Variants in ZIC5 observed in about 807,000 individuals in gnomAD.
The protein encoded by ZIC5 is Zic family zinc finger 5.
ZIC5 carries 20 observed loss-of-function variants against 28.5 expected under a neutral mutation model. The ratio of observed to expected loss-of-function variants is 0.70; its 90% CI spans 0.49 to 1.02. The LOEUF is 1.02. Ranked by LOEUF, ZIC5 falls within the 50% of genes least tolerant of loss-of-function variation. The pLI is 0.00. For missense variants in ZIC5, 951 were observed against 899.7 expected (o/e 1.06, Z -0.73); for synonymous variants, 488 against 410.4 (o/e 1.19, Z -2.29).
Position 99,970,992 on chromosome 13 carries a change from G to C in ZIC5, c.612C>G (p.Pro204=), listed in dbSNP as rs557281712. The C allele has an allele frequency of 2.9e-5, 41 of 1,405,874 alleles. No individual in the cohort carries two copies. In the East Asian group the frequency reaches 8.9e-4, roughly 30 times the overall value. 87.1% of individuals were successfully genotyped at this position (1,405,874 alleles called of 1,614,324 possible). The change falls in exon 1 of 2, where the codon CCC becomes CCG. Residue 204 remains proline (P), a synonymous_variant. Coordinates refer to ENST00000267294, the MANE Select transcript of ZIC5 (RefSeq NM_033132.5). ...GGEQRSGTGS[P]QHPAPPPHSA... Reference sequence around the variant, plus strand: ...AGTGGGGAGGCGGGGCCGGGTGCTGGGGGGAGCCGGTGCCGGACCGCTGCT... The same window carrying C: ...AGTGGGGAGGCGGGGCCGGGTGCTGCGGGGAGCCGGTGCCGGACCGCTGCT...
chr13:99,970,538 C>A lies in ZIC5; in HGVS notation c.1066G>T (p.Ala356Ser). 3.6e-6 allele frequency: 4 copies of A among 1,103,210 alleles called. No homozygotes were observed. In the South Asian group the frequency reaches 1.1e-4, roughly 31 times the overall value. 68.3% of individuals were successfully genotyped at this position (1,103,210 alleles called of 1,614,324 possible). The change falls in exon 1 of 2, where the codon GCG (alanine) becomes TCG (serine). Residue 356 changes from alanine to serine, a missense_variant. Physicochemically the swap from Ala to Ser is moderately conservative, Grantham distance 99. This residue lies in a region of ZIC5 where 784 missense variants were observed against 660.1 expected (regional missense o/e 1.19). Transcript: ENST00000267294. ...PHQHHPHLPG[A>S]AGAFLRYMRQ... ...ATGTAGCGCAGGAAGGCCCCAGCCGCCCCTGGGAGGTGGGGGTGGTGCTGG... is the reference window on the plus strand; with the variant it reads ...ATGTAGCGCAGGAAGGCCCCAGCCGACCCTGGGAGGTGGGGGTGGTGCTGG...
At chr13:99,968,148 T>C (rs757506403) in intron 1 of ZIC5, among the ~76,000 whole-genome samples, 2 of 152,134 alleles carry the variant, frequency 1.3e-5, no homozygotes, top group African/African-American at 2.4e-5. Flanking sequence ...GGATCCCGGA[T>C]AACCCCCAAA....
Position 99,965,278 on chromosome 13 carries a change from T to G in ZIC5, c.*99A>C. ...GGCTAATTAGACCCGGTGGCAAGTC[T>G]GAGTCACGGGTTTGTCTCAGGCTCG... On this transcript the variant is annotated 3_prime_UTR_variant, in exon 2 of 2. Transcript: ENST00000267294. 1 of 1,187,404 alleles carries G rather than the reference T, an allele frequency of 8.4e-7. No individual in the cohort carries two copies. The highest frequency in any genetic ancestry group is 1.2e-6 in the Non-Finnish European group (1 of 856,860). 73.6% of individuals were successfully genotyped at this position (1,187,404 alleles called of 1,614,324 possible).
In ZIC5 at chr13:99,970,317, G is replaced by A; in HGVS notation, c.1287C>T (p.Pro429=). The A allele has an allele frequency of 6.2e-7, 1 of 1,612,700 alleles. No homozygotes were observed. The highest frequency in any genetic ancestry group is 8.5e-7 in the Non-Finnish European group (1 of 1,179,530). The change falls in exon 1 of 2, where the codon CCC becomes CCT. Residue 429 remains proline, a synonymous_variant. Coordinates refer to ENST00000267294, the MANE Select transcript of ZIC5 (RefSeq NM_033132.5). ...NHVTVEHVGG[P]EQSSHVCFWE... ...AGAAGCAGACGTGGCTGCTCTGCTC[G>A]GGGCCTCCCACGTGCTCCACCGTGA... is the stretch of plus-strand genomic sequence containing the variant.
At position 99,963,508 on chromosome 13, in the gene ZIC5, T is replaced by C. The variant is rs1396803566; in HGVS notation, c.*1869A>G. On this transcript the variant is annotated 3_prime_UTR_variant, in exon 2 of 2. Transcript: ENST00000267294. Reference sequence around the variant, plus strand: ...AGACAACATTGAAAGGCTTTCCAAGTGACAGCACCATGCACTGTACTAGTA... The same window carrying C: ...AGACAACATTGAAAGGCTTTCCAAGCGACAGCACCATGCACTGTACTAGTA... 1 of 152,560 alleles carries C rather than the reference T, an allele frequency of 6.6e-6. No individual in the cohort carries two copies. The highest frequency in any genetic ancestry group is 6.5e-5 in the Admixed American group (1 of 15,276). The allele number at this position is 152,560 out of a possible 1,614,324, so 9.5% of individuals were successfully genotyped here. A position where few individuals can be genotyped will look rare whatever the true frequency, so the allele number is the denominator to read the frequency against.
intron 1 of ZIC5, among the ~76,000 whole-genome samples, chr13:99,966,281 A>G (rs1337823228): frequency 6.6e-6 from 1 of 152,206 alleles, no homozygotes; most frequent in African/African-American, 2.4e-5. Context: ...AAAAGCAAAC[A>G]CATACACTAA....
chr13:99,969,607 C>T (rs2053130335), intron 1 of ZIC5, among the ~76,000 whole-genome samples: 1 of 152,160 alleles, frequency 6.6e-6, no homozygotes, highest in Non-Finnish European at 1.5e-5. Flanking sequence ...CTGCCTCGGG[C>T]GGCCCAAATC....
At position 99,970,930 on chromosome 13, in the gene ZIC5, G is replaced by A. The variant is rs969013017; in HGVS notation, c.674C>T (p.Ala225Val). 3.6e-6 allele frequency: 5 copies of A among 1,387,012 alleles called. No individual in the cohort carries two copies. In the African/African-American group the frequency reaches 6.2e-5, roughly 17 times the overall value. The allele number at this position is 1,387,012 out of a possible 1,614,324, so 85.9% of individuals were successfully genotyped here. A position where few individuals can be genotyped will look rare whatever the true frequency, so the allele number is the denominator to read the frequency against. The stretch of plus-strand genomic sequence containing the variant: ...CGGGCCGCCGCTGCCGTCCGGGCCC[G>A]CGTAGGTGCCGCTGGCGGAGATGAA... ...GMFISASGTY[A>V]GPDGSGGPAL... Residue 225 changes from alanine (A) to valine (V), a missense_variant, in exon 1 of 2, where the codon GCG becomes GTG. Transcript: ENST00000267294.
In ZIC5 at chr13:99,970,583, CCGGCGGCGGCGGCGGCGCCGGGGG is replaced by C. The variant is rs2053145040; in HGVS notation, c.997_1020del (p.Pro333_Pro340del). The C allele has an allele frequency of 4.0e-6, 4 of 992,020 alleles. No homozygotes were observed. The highest frequency in any genetic ancestry group is 3.6e-6 in the Non-Finnish European group (3 of 838,702). The allele number at this position is 992,020 out of a possible 1,614,324, so 61.5% of individuals were successfully genotyped here. Reference sequence around the variant, plus strand: ...TGCTGGTGCGGGTGCTGCGCGGGCGCCGGCGGCGGCGGCGGCGCCGGGGGCGGCGCGTGGTGCTGCAGGTGGGGC... The same window carrying C: ...TGCTGGTGCGGGTGCTGCGCGGGCGCCGGCGCGTGGTGCTGCAGGTGGGGC... On this transcript the variant is annotated inframe_deletion, in exon 1 of 2. Coordinates refer to ENST00000267294, the MANE Select transcript of ZIC5 (RefSeq NM_033132.5).
chr13:99,965,462 TGGA>T lies in ZIC5; in HGVS notation c.1832_1834del (p.Leu611del), dbSNP rs762757200. ...GGTGGTTCCGTTGCTGGAAGGGGTGTGGAGGTGGCTGGGGGCCCCACTGGCCTG... is the reference window on the plus strand; with the variant it reads ...GGTGGTTCCGTTGCTGGAAGGGGTGTGGTGGCTGGGGGCCCCACTGGCCTG... On this transcript the variant is annotated inframe_deletion, in exon 2 of 2. Coordinates refer to ENST00000267294, the MANE Select transcript of ZIC5 (RefSeq NM_033132.5). The T allele has an allele frequency of 2.0e-5, 33 of 1,614,104 alleles. 1 individual carries two copies. Among genetic ancestry groups the T allele is most frequent in the South Asian group, 1.6e-4 (15 of 91,074 alleles).
At position 99,971,261 on chromosome 13, in the gene ZIC5, C is replaced by A. The variant is rs2053156036; in HGVS notation, c.343G>T (p.Gly115Cys). The A allele has an allele frequency of 5.3e-6, 7 of 1,328,304 alleles. No homozygotes were observed. Among genetic ancestry groups the A allele is most frequent in the Non-Finnish European group, 6.7e-6 (7 of 1,048,140 alleles). The allele number at this position is 1,328,304 out of a possible 1,614,324, so 82.3% of individuals were successfully genotyped here. The change falls in exon 1 of 2, where the codon GGC becomes TGC. Residue 115 changes from glycine to cysteine, a missense_variant. Physicochemically the swap from Gly to Cys is radical, Grantham distance 159. Transcript: ENST00000267294. ...GGCTGCGCGCCACTGCTGCCCCCGCCGCAGGGGTAGCTGCCCGCGCCGGGG... is the reference window on the plus strand; with the variant it reads ...GGCTGCGCGCCACTGCTGCCCCCGCAGCAGGGGTAGCTGCCCGCGCCGGGG... The part of the protein sequence containing the change: ...AHPGAGSYPC[G>C]GGSSGAQPSA...
chr13:99,968,353 G>A (rs2053116751), intron 1 of ZIC5, among the ~76,000 whole-genome samples: 1 of 152,302 alleles, frequency 6.6e-6, no homozygotes, highest in African/African-American at 2.4e-5. Context: ...CCGGGAGGGG[G>A]CAGGAAATGC....
Position 99,965,917 on chromosome 13 carries a change from C to T in ZIC5, c.1478-98G>A, listed in dbSNP as rs978444982. ...ACCAAGGTTGTGTTTTTCCTATTCT[C>T]CCAGAGACCAACTCCCAGCCTAATT... On this transcript the variant is annotated intron_variant, in intron 1 of 1. Coordinates refer to ENST00000267294, the MANE Select transcript of ZIC5 (RefSeq NM_033132.5). 4 of 1,246,804 alleles carry T rather than the reference C, an allele frequency of 3.2e-6. No individual in the cohort carries two copies. The Admixed American group carries it at 9.3e-5, about 29-fold the overall frequency. The allele number at this position is 1,246,804 out of a possible 1,614,324, so 77.2% of individuals were successfully genotyped here.
rs561297438 is a variant in ZIC5, at chr13:99,965,543, T to A, written c.1754A>T (p.His585Leu). ...LSPVLDPARS[H>L]SSTLSPQVTN... ...CACCTGAGGGGACAGAGTGCTGGAGTGACTCCTGGCTGGGTCCAGCACAGG... is the reference window on the plus strand; with the variant it reads ...CACCTGAGGGGACAGAGTGCTGGAGAGACTCCTGGCTGGGTCCAGCACAGG... Residue 585 changes from histidine (H) to leucine (L), a missense_variant, in exon 2 of 2, where the codon CAC becomes CTC. His to Leu is a moderately conservative substitution (Grantham distance 99). Around this residue, in one of 3 missense-constraint regions of ZIC5, gnomAD observed 108 missense variants for 118.4 expected, o/e 0.91. Coordinates refer to ENST00000267294, the MANE Select transcript of ZIC5 (RefSeq NM_033132.5). 7.4e-6 allele frequency: 12 copies of A among 1,612,764 alleles called. No homozygotes were observed. The East Asian group carries it at 2.2e-4, about 30-fold the overall frequency.
At position 99,970,691 on chromosome 13, in the gene ZIC5, C is replaced by T; in HGVS notation, c.913G>A (p.Ala305Thr). 2.5e-6 allele frequency: 3 copies of T among 1,194,922 alleles called. No individual in the cohort carries two copies. Among genetic ancestry groups the T allele is most frequent in the Non-Finnish European group, 3.1e-6 (3 of 956,366 alleles). The allele number at this position is 1,194,922 out of a possible 1,614,324, so 74.0% of individuals were successfully genotyped here. A position where few individuals can be genotyped will look rare whatever the true frequency, so the allele number is the denominator to read the frequency against. ...GCCAGGTTCAGGTTTAAGTTCACGG[C>T]TCCGTAGCCGTGCAGGGCGGCCGCC... ...AAAAALHGYG[A>T]VNLNLNLAAA... is the part of the protein sequence containing the mutation. The change falls in exon 1 of 2, where the codon GCC becomes ACC. Residue 305 changes from alanine (A) to threonine (T), a missense_variant. By Grantham distance (58) the Ala-to-Thr change is moderately conservative. Coordinates refer to ENST00000267294, the MANE Select transcript of ZIC5 (RefSeq NM_033132.5).
chr13:99,969,170 T>C (rs956401529), intron 1 of ZIC5, among the ~76,000 whole-genome samples: 1 of 152,158 alleles, frequency 6.6e-6, no homozygotes, highest in African/African-American at 2.4e-5. Context: ...GCAGCCGCCC[T>C]CCTCAGCGCT....
At chr13:99,969,996 A>C (rs891570929) in intron 1 of ZIC5, 131 bp downstream of exon 1, 4 of 1,396,660 alleles carry the variant, frequency 2.9e-6, no homozygotes, top group Non-Finnish European at 3.9e-6. Flanking sequence ...GGTTATACGT[A>C]TGCGAAGAGA....
At chr13:99,970,003 G>A (rs1347448452) in intron 1 of ZIC5, 124 bp downstream of exon 1, 2 of 1,445,470 alleles carry the variant, frequency 1.4e-6, no homozygotes, top group Non-Finnish European at 1.9e-6. Context: ...CGTATGCGAA[G>A]AGAAGCAGCA....
rs145104499 is a variant in ZIC5, at chr13:99,965,485, G to A, written c.1812C>T (p.Ala604=). The change falls in exon 2 of 2, where the codon GCC becomes GCT. Residue 604 remains alanine (A), a synonymous_variant. Coordinates refer to ENST00000267294, the MANE Select transcript of ZIC5 (RefSeq NM_033132.5). The stretch of plus-strand genomic sequence containing the variant: ...TGTGGAGGTGGCTGGGGGCCCCACT[G>A]GCCTGGCAAACGTACCACTCATTGA... The part of the protein sequence containing the change: ...TNLNEWYVCQ[A]SGAPSHLHTP... The A allele has an allele frequency of 8.0e-5, 129 of 1,613,916 alleles. No homozygotes were observed. Among genetic ancestry groups the A allele is most frequent in the Admixed American group, 1.3e-4 (8 of 59,982 alleles).
Sources: gnomAD v4.1 joint callset for allele counts (sites outside exome capture counted in the v4.1 genomes callset) on GRCh38, gnomAD v4.1.1 for gene constraint, gnomAD v4.1.1 regional missense constraint, MANE v1.5 for transcripts, NCBI Gene and HGNC (gene_info 2026-07-23, HGNC 2026-07-21) for gene names.